The following TTLL5 variants were observed in gnomAD, a reference collection of about 807,000 sequenced individuals.
TTLL5 encodes the protein tubulin polyglutamylase TTLL5.
A neutral mutation model predicts 168.4 loss-of-function variants in TTLL5; 132 were observed. The ratio of observed to expected loss-of-function variants is 0.78; its 90% CI spans 0.68 to 0.91. The LOEUF is 0.91. TTLL5 is among the 40% of genes least tolerant of loss of function. The pLI is 0.00. For synonymous variants in TTLL5, 546 were observed against 558.6 expected (o/e 0.98, Z 0.32); for missense variants, 1,545 against 1,581.5 (o/e 0.98, Z 0.39).
At chr14:75,782,266 T>C (rs1473035212) in intron 24 of TTLL5, among the ~76,000 whole-genome samples, 1 of 152,166 alleles carries the variant, frequency 6.6e-6, no homozygotes, top group African/African-American at 2.4e-5. Context: ...GCCAGTTCAG[T>C]TAACTGTAGC....
chr14:75,820,024 G>C lies in TTLL5; in HGVS notation c.3189G>C (p.Leu1063Phe). The C allele has an allele frequency of 6.2e-7, 1 of 1,601,600 alleles. No homozygotes were observed. Among genetic ancestry groups the C allele is most frequent in the Non-Finnish European group, 8.5e-7 (1 of 1,175,062 alleles). ...ATTTCTAGGTAACAAACCTGAATTTGGCAACTGGCATCATAAACAGAAGCA... is the reference window on the plus strand; with the variant it reads ...ATTTCTAGGTAACAAACCTGAATTTCGCAACTGGCATCATAAACAGAAGCA... ...LLTQQVTNLN[L>F]ATGIINRSSA... The change falls in exon 28 of 32, where the codon TTG becomes TTC. Residue 1063 changes from leucine (L) to phenylalanine (F), a missense_variant. Transcript: ENST00000298832.
intron 31 of TTLL5, among the ~76,000 whole-genome samples, chr14:75,907,198 TTAAA>T (rs1250155330): frequency 6.6e-6 from 1 of 152,192 alleles, no homozygotes; most frequent in Non-Finnish European, 1.5e-5. Flanking sequence ...GCTGAGTTAC[TTAAA>T]TAAACATATG....
At chr14:75,806,893 A>C (rs1331117785) in intron 27 of TTLL5, among the ~76,000 whole-genome samples, 1 of 152,188 alleles carries the variant, frequency 6.6e-6, no homozygotes, top group Non-Finnish European at 1.5e-5. Context: ...TTGAATAAAT[A>C]AGTAAATGAA....
rs1344556599 is a variant in TTLL5 at position 75,759,252 on chromosome 14, TTCC to T, written c.1551-5362_1551-5360del. Among the ~76,000 whole-genome samples, 13 of 152,306 alleles carry T rather than the reference TTCC, an allele frequency of 8.5e-5. No homozygotes were observed. The East Asian group carries it at 2.5e-3, about 29-fold the overall frequency. On this transcript the variant is annotated intron_variant, in intron 18 of 31. Transcript: ENST00000298832. ...TAAGGCAATATTATTAGCAACTTTA[TTCC>T]ATTACTTTGACAGCTTAGTTGAAAT... is the stretch of plus-strand genomic sequence containing the variant.
intron 28 of TTLL5, chr14:75,835,642 A>G (rs1197376059): frequency 6.6e-6 from 1 of 152,258 alleles, no homozygotes; most frequent in Non-Finnish European, 1.5e-5. Context: ...TTTGCAAACT[A>G]ACCATCTGAT....
intron 20 of TTLL5, among the ~76,000 whole-genome samples, chr14:75,767,595 A>G (rs1891042248): frequency 6.6e-6 from 1 of 152,232 alleles, no homozygotes; most frequent in African/African-American, 2.4e-5. Context: ...TAGAGGAATT[A>G]TATAAGGAGA....
At chr14:75,827,577 G>A (rs757586206) in intron 28 of TTLL5, among the ~76,000 whole-genome samples, 52 of 151,936 alleles carry the variant, frequency 3.4e-4, no homozygotes, top group Non-Finnish European at 6.5e-4. Context: ...ACAAACTCTC[G>A]TCCTGCTTGG....
chr14:75,895,243 T>G (rs889318342), intron 30 of TTLL5, among the ~76,000 whole-genome samples: 1 of 152,212 alleles, frequency 6.6e-6, no homozygotes, highest in African/African-American at 2.4e-5. Flanking sequence ...GCAATTAAAA[T>G]TTCACTAAAT....
intron 17 of TTLL5, 107 bp downstream of exon 17, chr14:75,745,688 T>A: frequency 1.2e-6 from 1 of 850,190 alleles, no homozygotes; most frequent in Non-Finnish European, 1.8e-6. Flanking sequence ...TTTCTTATTT[T>A]GTTTATTTAT....
At chr14:75,918,966 G>T (rs1357420487) in intron 31 of TTLL5, among the ~76,000 whole-genome samples, 2 of 151,968 alleles carry the variant, frequency 1.3e-5, no homozygotes, top group African/African-American at 4.8e-5. Flanking sequence ...ACTTTGGGAG[G>T]CTGAGGCAGG....
intron 28 of TTLL5, among the ~76,000 whole-genome samples, chr14:75,827,848 G>T (rs1275711799): frequency 6.7e-6 from 1 of 148,936 alleles, no homozygotes; most frequent in Non-Finnish European, 1.5e-5. Flanking sequence ...CTCCCAAGTA[G>T]CTGGGACTAC....
chr14:75,897,502 G>C (rs1309130118), intron 30 of TTLL5, among the ~76,000 whole-genome samples: 1 of 151,810 alleles, frequency 6.6e-6, no homozygotes, highest in Non-Finnish European at 1.5e-5. Context: ...TGAGATGGGA[G>C]TTTCACTCTT....
chr14:75,815,323 C>T (rs891740945), intron 27 of TTLL5, among the ~76,000 whole-genome samples: 2 of 152,118 alleles, frequency 1.3e-5, no homozygotes, highest in African/African-American at 4.8e-5. Flanking sequence ...TTTCTCATTC[C>T]TTGTATAGTC....
chr14:75,928,343 A>ATATATATATATATATATATG (rs2034149432), intron 31 of TTLL5, among the ~76,000 whole-genome samples: 1 of 17,568 alleles, frequency 5.7e-5, no homozygotes, highest in East Asian at 1.2e-3. Flanking sequence ...TGACAAAAAC[A>ATATATATATATATATATATG]TATATATATA....
intron 18 of TTLL5, among the ~76,000 whole-genome samples, chr14:75,762,498 A>T (rs1035477667): frequency 2.4e-4 from 37 of 152,230 alleles, no homozygotes; most frequent in African/African-American, 8.4e-4. Flanking sequence ...TTAATTAACC[A>T]ATATTTATGG....
At chr14:75,826,589 G>T (rs1454913280) in intron 28 of TTLL5, among the ~76,000 whole-genome samples, 3 of 152,050 alleles carry the variant, frequency 2.0e-5, no homozygotes, top group African/African-American at 7.2e-5. Flanking sequence ...CTACAAAATG[G>T]ATGATTATTT....
intron 18 of TTLL5, among the ~76,000 whole-genome samples, chr14:75,758,314 A>C (rs1890412793): frequency 6.6e-6 from 1 of 152,162 alleles, no homozygotes; most frequent in Non-Finnish European, 1.5e-5. Context: ...TTAAAGCATA[A>C]ATCTAATTTT....
chr14:75,877,450 C>T (rs1373170926), intron 29 of TTLL5, among the ~76,000 whole-genome samples: 1 of 152,152 alleles, frequency 6.6e-6, no homozygotes, highest in Non-Finnish European at 1.5e-5. Context: ...GAAGGAGGGC[C>T]TTTCCAGTCT....
intron 31 of TTLL5, among the ~76,000 whole-genome samples, chr14:75,948,144 G>T (rs2034836589): frequency 7.0e-6 from 1 of 142,574 alleles, no homozygotes; most frequent in African/African-American, 2.6e-5. Flanking sequence ...AAAGATACTG[G>T]AAAAGTCCTC....
Sources: gnomAD v4.1 joint callset for allele counts (sites outside exome capture counted in the v4.1 genomes callset) on GRCh38, gnomAD v4.1.1 for gene constraint, MANE v1.5 for transcripts, NCBI Gene and HGNC (gene_info 2026-07-23, HGNC 2026-07-21) for gene names.